GRIP2: variants seen among roughly 807,000 people sequenced by gnomAD.
GRIP2 encodes glutamate receptor-interacting protein 2.
In GRIP2, 58 loss-of-function variants were observed where a neutral mutation model predicts 108.3. That is an observed-to-expected ratio of 0.54 (90% CI 0.43 to 0.67). The LOEUF is 0.67. Ranked by LOEUF, GRIP2 falls within the 30% of genes least tolerant of loss-of-function variation. GRIP2 has a pLI of 0.00. For synonymous variants in GRIP2, 586 were observed against 598.2 expected, an observed-to-expected ratio of 0.98 and a Z score of 0.30; for missense variants, 1,278 against 1,430.6, an observed-to-expected ratio of 0.89 and a Z score of 1.72.
intron 7 of GRIP2, chr3:14,520,855 A>G (rs1694388133): frequency 9.4e-6 from 3 of 319,880 alleles, no homozygotes; most frequent in South Asian, 8.4e-5. Context: ...TGTAAAGTTC[A>G]CTACAACCCA....
At chr3:14,571,190 G>C in the GRIP2 span, among the ~76,000 whole-genome samples, 1 of 152,214 alleles carries the variant, frequency 6.6e-6, no homozygotes, top group Admixed American at 6.5e-5. Context: ...GTCTAGGAGA[G>C]TGTCTGTACG....
intron 4 of GRIP2, 57 bp from the exon 5 acceptor site, chr3:14,523,755 A>G: frequency 1.7e-6 from 2 of 1,177,046 alleles, no homozygotes; most frequent in Non-Finnish European, 2.5e-6. Context: ...AGGCCGGTAG[A>G]TGTGCCCAAA....
At chr3:14,574,175 G>T in the GRIP2 span, 1 of 886,458 alleles carries the variant, frequency 1.1e-6, no homozygotes. Context: ...TGACGAGCAA[G>T]TGCACGAAGG....
the GRIP2 span, chr3:14,602,196 A>C: frequency 6.6e-6 from 1 of 152,054 alleles, no homozygotes; most frequent in Non-Finnish European, 1.5e-5. This position sits in a 1 kb window ranked among gnomAD's most constrained non-coding sequence, Gnocchi z 4.7. Flanking sequence ...TTTCCTCAGC[A>C]GTGGCAGGAC....
chr3:14,602,602 G>A, the GRIP2 span, among the ~76,000 whole-genome samples: 1 of 151,358 alleles, frequency 6.6e-6, no homozygotes, highest in East Asian at 2.0e-4. The surrounding 1 kb of genome is among the most constrained non-coding windows in gnomAD (Gnocchi z 4.7). Flanking sequence ...CGGGCCGGTG[G>A]ATGCCCCCTC....
chr3:14,527,287 G>A lies in GRIP2; in HGVS notation c.41-1356C>T, dbSNP rs184147352. On this transcript the variant is annotated intron_variant, in intron 1 of 23. Transcript: ENST00000621039. ...GAAGGGAAGGTATTTCTTTTCCAAG[G>A]CATTGCCTTTCCTAGGCATTTAAAG... 1.9e-3 allele frequency among the ~76,000 whole-genome samples: 286 copies of A among 152,130 alleles called. 2 individuals carry two copies. Among genetic ancestry groups the A allele is most frequent in the African/African-American group, 6.3e-3 (262 of 41,514 alleles).
At chr3:14,513,905 ACCT>A in intron 12 of GRIP2, 95 bp from the exon 13 acceptor site, 1 of 1,407,306 alleles carries the variant, frequency 7.1e-7, no homozygotes, top group Non-Finnish European at 9.6e-7. Flanking sequence ...CCTGGGTCAC[ACCT>A]CCTGGTCTGG....
chr3:14,494,808 C>G (rs1335617027), intron 23 of GRIP2, 35 bp downstream of exon 23: 1 of 1,593,448 alleles, frequency 6.3e-7, no homozygotes, highest in Non-Finnish European at 8.6e-7. Context: ...GGAAACAATG[C>G]CACCCCCACT....
rs965022879 is a variant in GRIP2 at position 14,503,742 on chromosome 3, C to T, written c.2574-71G>A. The stretch of plus-strand genomic sequence containing the variant: ...GGCGGGCTGGGGCCTGAGGAGTCTT[C>T]GGGGCCCCAGGGCCCAGCGTTGGGC... On this transcript the variant is annotated intron_variant, in intron 20 of 23. Transcript: ENST00000621039. 1.8e-5 allele frequency: 12 copies of T among 675,732 alleles called. No homozygotes were observed. In the East Asian group the frequency reaches 2.3e-4, roughly 13 times the overall value. The allele number at this position is 675,732 out of a possible 1,614,324, so 41.9% of individuals were successfully genotyped here.
intron 1 of GRIP2, among the ~76,000 whole-genome samples, chr3:14,533,191 CA>C: frequency 6.6e-6 from 1 of 152,326 alleles, no homozygotes; most frequent in Non-Finnish European, 1.5e-5. Flanking sequence ...CATTTAGATT[CA>C]ACAAGATGTT....
chr3:14,550,447 C>T (rs183961719), intron 1 of GRIP2, among the ~76,000 whole-genome samples: 31 of 152,322 alleles, frequency 2.0e-4, no homozygotes, highest in African/African-American at 7.2e-4. Flanking sequence ...GCCCATCTAC[C>T]CCTAGAAGAA....
At position 14,496,672 on chromosome 3, in the gene GRIP2, G is replaced by A. The variant is rs533631997; in HGVS notation, c.2680-112C>T. ...CCACAAAAGGGACAATGGTGAACAG[G>A]ACAGACATGGTCCCTGCCCATTGGG... is the stretch of plus-strand genomic sequence containing the variant. On this transcript the variant is annotated intron_variant, in intron 21 of 23. Transcript: ENST00000621039. The A allele has an allele frequency of 2.6e-5, 37 of 1,409,694 alleles. No homozygotes were observed. The South Asian group carries it at 5.2e-4, about 20-fold the overall frequency. The allele number at this position is 1,409,694 out of a possible 1,614,324, so 87.3% of individuals were successfully genotyped here. A position where few individuals can be genotyped will look rare whatever the true frequency, so the allele number is the denominator to read the frequency against.
At position 14,493,857 on chromosome 3, in the gene GRIP2, C is replaced by T. The variant is rs865996938; in HGVS notation, c.2971-31G>A. 30 of 1,593,146 alleles carry T rather than the reference C, an allele frequency of 1.9e-5. 1 individual carries two copies. The Middle Eastern group carries it at 2.3e-3, about 124-fold the overall frequency. On this transcript the variant is annotated intron_variant, in intron 23 of 23. Transcript: ENST00000621039. ...TGGGGCACAAGCAAGGGAACAGAAC[C>T]GAGATGTCAGCCCTGCTGCGCTGAA...
upstream of GRIP2, among the ~76,000 whole-genome samples, chr3:14,541,390 T>C (rs1345453663): frequency 6.6e-6 from 1 of 152,230 alleles, no homozygotes; most frequent in Non-Finnish European, 1.5e-5. Context: ...ATGGAGTTCC[T>C]GACCGCGTGG....
chr3:14,577,557 C>T, the GRIP2 span, among the ~76,000 whole-genome samples: 18 of 152,198 alleles, frequency 1.2e-4, no homozygotes, highest in Non-Finnish European at 2.5e-4. Context: ...TTGCCTTAAC[C>T]TGGAAGGTCC....
the GRIP2 span, among the ~76,000 whole-genome samples, chr3:14,585,195 G>T: frequency 6.6e-6 from 1 of 152,050 alleles, no homozygotes; most frequent in East Asian, 1.9e-4. Context: ...GCTAATTTTT[G>T]TATTTTTGGT....
rs1299434407 is a variant in GRIP2, at chr3:14,489,618, G to T, written c.*4047C>A. On this transcript the variant is annotated 3_prime_UTR_variant, in exon 24 of 24. Coordinates refer to ENST00000621039, the MANE Select transcript of GRIP2 (RefSeq NM_001080423.4). The stretch of plus-strand genomic sequence containing the variant: ...ACTGATTCTACCTGCTACATGCCCA[G>T]CCCTGTACAGCTGGGAGATCTGGCA... The T allele has an allele frequency of 1.3e-5, 2 of 152,396 alleles. No homozygotes were observed. The highest frequency in any genetic ancestry group is 6.8e-3 in the Middle Eastern group (2 of 296). 9.4% of individuals were successfully genotyped at this position (152,396 alleles called of 1,614,324 possible). A position where few individuals can be genotyped will look rare whatever the true frequency, so the allele number is the denominator to read the frequency against.
chr3:14,499,487 G>A (rs1016643295), intron 21 of GRIP2, among the ~76,000 whole-genome samples: 18 of 152,084 alleles, frequency 1.2e-4, no homozygotes, highest in East Asian at 3.9e-4. Context: ...AGGCCAAGGC[G>A]GGCGGATCGC....
the GRIP2 span, among the ~76,000 whole-genome samples, chr3:14,592,534 A>G: frequency 1.3e-5 from 2 of 152,342 alleles, no homozygotes; most frequent in South Asian, 2.1e-4. Context: ...AACTTGCCCA[A>G]GGTCGCCTAC....
Sources: gnomAD v4.1 joint callset for allele counts (sites outside exome capture counted in the v4.1 genomes callset) on GRCh38, gnomAD v4.1.1 for gene constraint, Gnocchi (gnomAD v3.1) non-coding constraint, MANE v1.5 for transcripts, NCBI Gene and HGNC (gene_info 2026-07-23, HGNC 2026-07-21) for gene names.